GPC3: variants seen among roughly 807,000 people sequenced by gnomAD.
GPC3 encodes glypican-3.
In GPC3, 3 loss-of-function variants were observed where a neutral mutation model predicts 34.4. The ratio of observed to expected loss-of-function variants is 0.09; its 90% CI spans 0.04 to 0.23. The LOEUF (loss-of-function observed/expected upper bound fraction) is 0.23, where lower values mean the gene tolerates loss of function less well. Among genes scored for constraint, GPC3 ranks in the 10% least tolerant of loss-of-function variants. GPC3 has a pLI of 1.00. For synonymous variants in GPC3, 177 were observed against 174.0 expected, an observed-to-expected ratio of 1.02 and a Z score of -0.13; for missense variants, 351 against 445.6, an observed-to-expected ratio of 0.79 and a Z score of 1.91.
chrX:133,795,658 T>C (rs909820333), intron 2 of GPC3, among the ~76,000 whole-genome samples: 1 of 111,773 alleles, frequency 8.9e-6, no homozygotes, highest in African/African-American at 3.3e-5. Context: ...AAATCTGTTT[T>C]TTAAAGGTTA....
intron 2 of GPC3, among the ~76,000 whole-genome samples, chrX:133,877,380 T>C (rs1218445037): frequency 2.7e-5 from 3 of 112,012 alleles, no homozygotes; most frequent in Non-Finnish European, 5.6e-5. Flanking sequence ...AATATCATCA[T>C]GTGACCTTAG....
intron 2 of GPC3, among the ~76,000 whole-genome samples, chrX:133,891,446 G>A (rs2076086795): frequency 9.1e-6 from 1 of 110,317 alleles, no homozygotes; most frequent in Non-Finnish European, 1.9e-5. Flanking sequence ...TTTATAGTAT[G>A]TGAATTATAT....
chrX:133,968,998 T>A (rs2076477411), intron 1 of GPC3, among the ~76,000 whole-genome samples: 1 of 110,402 alleles, frequency 9.1e-6, no homozygotes, highest in African/African-American at 3.3e-5. Context: ...TACATTTAAA[T>A]GTCCTCTAGA....
chrX:133,837,817 A>G (rs1340985554), intron 2 of GPC3, among the ~76,000 whole-genome samples: 1 of 112,509 alleles, frequency 8.9e-6, no homozygotes, highest in African/African-American at 3.2e-5. Flanking sequence ...GAAAAATAAA[A>G]TATTCAGAAT....
At chrX:133,851,309 C>T (rs772203572) in intron 2 of GPC3, among the ~76,000 whole-genome samples, 2 of 111,831 alleles carry the variant, frequency 1.8e-5, no homozygotes, top group South Asian at 7.5e-4. Flanking sequence ...AAAGGCACAT[C>T]ATTCCAATTA....
At chrX:133,731,145 A>C (rs780821495) in intron 3 of GPC3, among the ~76,000 whole-genome samples, 1 of 112,504 alleles carries the variant, frequency 8.9e-6, no homozygotes, top group Non-Finnish European at 1.9e-5. Flanking sequence ...CAAGAACAGT[A>C]TTTCTCTAGG....
chrX:133,965,935 G>A (rs1365387889), intron 1 of GPC3, among the ~76,000 whole-genome samples: 3 of 111,181 alleles, frequency 2.7e-5, no homozygotes, highest in Non-Finnish European at 5.7e-5. Context: ...GATAGTACTG[G>A]AGAAGTGTTA....
At chrX:133,672,490 C>T (rs1030800460) in intron 5 of GPC3, among the ~76,000 whole-genome samples, 7 of 111,585 alleles carry the variant, frequency 6.3e-5, no homozygotes, top group African/African-American at 2.3e-4. Flanking sequence ...GCTCAGTAAT[C>T]GGGGGTGGGG....
chrX:133,560,608 C>T (rs1376257421), intron 7 of GPC3, among the ~76,000 whole-genome samples: 1 of 110,845 alleles, frequency 9.0e-6, no homozygotes, highest in Non-Finnish European at 1.9e-5. Context: ...GCGTGATGGC[C>T]CATGCCTGTA....
At chrX:133,942,776 T>C (rs757009646) in intron 2 of GPC3, among the ~76,000 whole-genome samples, 1 of 112,128 alleles carries the variant, frequency 8.9e-6, no homozygotes, top group South Asian at 3.7e-4. Context: ...AGGTCTCACA[T>C]AATCAGGAAT....
intron 2 of GPC3, 96 bp from the exon 3 acceptor site, chrX:133,754,272 G>A (rs2071705740): frequency 4.8e-6 from 3 of 621,716 alleles, no homozygotes; most frequent in African/African-American, 2.3e-5. Context: ...CTATTGCTGT[G>A]GTGATTAAGG....
intron 3 of GPC3, among the ~76,000 whole-genome samples, chrX:133,722,170 T>C (rs2071373846): frequency 8.9e-6 from 1 of 111,844 alleles, no homozygotes; most frequent in Non-Finnish European, 1.9e-5. Flanking sequence ...TTGACTAATA[T>C]GTACCTGTAT....
intron 7 of GPC3, among the ~76,000 whole-genome samples, chrX:133,584,946 A>C (rs1304447996): frequency 1.6e-4 from 16 of 99,352 alleles, no homozygotes; most frequent in African/African-American, 2.5e-4. Context: ...AAAAAAAAAA[A>C]CAAAAAAACA....
chrX:133,809,980 A>C (rs1055300535), intron 2 of GPC3, among the ~76,000 whole-genome samples: 1 of 112,381 alleles, frequency 8.9e-6, no homozygotes, highest in African/African-American at 3.2e-5. Context: ...GAGATGAAAG[A>C]AGACACACAG....
chrX:133,830,709 T>TA (rs1261617353), intron 2 of GPC3, among the ~76,000 whole-genome samples: 1 of 56,165 alleles, frequency 1.8e-5, no homozygotes, highest in Non-Finnish European at 3.7e-5. Context: ...AAAAAAAACA[T>TA]ACAATTTTTG....
chrX:133,619,985 C>G (rs1379979847), intron 6 of GPC3, among the ~76,000 whole-genome samples: 3 of 109,924 alleles, frequency 2.7e-5, no homozygotes, highest in African/African-American at 9.9e-5. Flanking sequence ...CTTTGGGAGG[C>G]TGAGGTGGGC....
At chrX:133,951,082 G>GTGTA (rs2076391107) in intron 2 of GPC3, among the ~76,000 whole-genome samples, 1 of 107,659 alleles carries the variant, frequency 9.3e-6, no homozygotes, top group African/African-American at 3.4e-5. Flanking sequence ...GTGTGTGTGT[G>GTGTA]TGTGTGTGTG....
chrX:133,595,038 G>T (rs1012957890), intron 7 of GPC3, among the ~76,000 whole-genome samples: 28 of 110,714 alleles, frequency 2.5e-4, no homozygotes, highest in African/African-American at 8.9e-4. Context: ...CAGCCTAGGG[G>T]ACAGAGAGAG....
At chrX:133,679,559 A>G (rs2070919282) in intron 5 of GPC3, among the ~76,000 whole-genome samples, 1 of 111,672 alleles carries the variant, frequency 9.0e-6, no homozygotes, top group African/African-American at 3.3e-5. Context: ...CTACGAATTC[A>G]ATAAACATGT....
Sources: allele counts gnomAD v4.1 joint callset (sites outside exome capture counted in the v4.1 genomes callset), GRCh38; gene constraint gnomAD v4.1.1; transcripts MANE v1.5; gene names NCBI Gene and HGNC (gene_info 2026-07-23, HGNC 2026-07-21).